Variants in MARCHF4 observed in about 807,000 individuals in gnomAD.
MARCHF4 encodes the protein E3 ubiquitin-protein ligase MARCHF4.
Under a neutral mutation model 43.9 loss-of-function variants are expected in MARCHF4, and 14 were observed. The observed-to-expected ratio is 0.32, with a 90% CI of 0.21 to 0.50. The LOEUF is 0.50. MARCHF4 is among the 20% of genes least tolerant of loss of function. The pLI, the probability that MARCHF4 is intolerant of heterozygous loss-of-function variation, is 0.98. For missense variants in MARCHF4, 468 were observed against 536.7 expected (o/e 0.87, Z 1.27); for synonymous variants, 226 against 213.3 (o/e 1.06, Z -0.52).
rs539072637 is a variant in MARCHF4 at position 216,275,906 on chromosome 2, C to T, written c.865+1766G>A. Among the ~76,000 whole-genome samples the T allele has an allele frequency of 3.9e-5, 6 of 152,288 alleles. No individual in the cohort carries two copies. The South Asian group carries it at 6.2e-4, about 16-fold the overall frequency. On this transcript the variant is annotated intron_variant, in intron 3 of 3. Transcript: ENST00000273067. Reference sequence around the variant, plus strand: ...TGCATTCATCTAGGAAAATAGCACACCCAGTAGTCCCTGCTCCGTTAGCCT... The same window carrying T: ...TGCATTCATCTAGGAAAATAGCACATCCAGTAGTCCCTGCTCCGTTAGCCT...
At chr2:216,359,359 C>G (rs754404789) in intron 1 of MARCHF4, among the ~76,000 whole-genome samples, 4 of 152,134 alleles carry the variant, frequency 2.6e-5, no homozygotes, top group African/African-American at 4.8e-5. Context: ...TTTTCCTCTT[C>G]TTTTCTCTTT....
At chr2:216,288,473 A>G (rs1356281864) in intron 1 of MARCHF4, among the ~76,000 whole-genome samples, 1 of 152,184 alleles carries the variant, frequency 6.6e-6, no homozygotes, top group East Asian at 1.9e-4. Flanking sequence ...GAAAAGAGTC[A>G]GTTGAGTCAC....
intron 1 of MARCHF4, among the ~76,000 whole-genome samples, chr2:216,341,525 G>A (rs897756349): frequency 1.3e-5 from 2 of 152,184 alleles, no homozygotes; most frequent in African/African-American, 4.8e-5. Context: ...GGGAGGGCAA[G>A]GCCAAGGAGA....
At chr2:216,337,434 C>T (rs1692175756) in intron 1 of MARCHF4, among the ~76,000 whole-genome samples, 1 of 151,980 alleles carries the variant, frequency 6.6e-6, no homozygotes, top group South Asian at 2.1e-4. Flanking sequence ...CAAAAAAATG[C>T]CATATGCATG....
intron 1 of MARCHF4, among the ~76,000 whole-genome samples, chr2:216,329,019 C>T (rs1401711007): frequency 2.0e-5 from 3 of 151,918 alleles, no homozygotes; most frequent in Admixed American, 6.6e-5. Context: ...AACGAAATTC[C>T]GTCTCAGAAA....
chr2:216,263,576 G>GAGAA (rs1162594075), intron 3 of MARCHF4, among the ~76,000 whole-genome samples: 2 of 151,498 alleles, frequency 1.3e-5, no homozygotes, highest in African/African-American at 4.9e-5. Flanking sequence ...AAGAAAGAAA[G>GAGAA]AGAAAGAAAG....
chr2:216,322,863 G>A (rs1194666420), intron 1 of MARCHF4, among the ~76,000 whole-genome samples: 1 of 152,200 alleles, frequency 6.6e-6, no homozygotes, highest in East Asian at 1.9e-4. Context: ...AGGTGACCCA[G>A]CTGGGTGGGT....
intron 3 of MARCHF4, among the ~76,000 whole-genome samples, chr2:216,265,296 A>G (rs528740300): frequency 2.0e-5 from 3 of 152,212 alleles, no homozygotes; most frequent in South Asian, 2.1e-4. Context: ...AATGTACCCA[A>G]CCCTGGGCTG....
chr2:216,262,235 G>C (rs1268071327), intron 3 of MARCHF4, among the ~76,000 whole-genome samples: 1 of 152,188 alleles, frequency 6.6e-6, no homozygotes, highest in Admixed American at 6.5e-5. Flanking sequence ...AGCTCACTGT[G>C]TTAAGTATCC....
intron 1 of MARCHF4, among the ~76,000 whole-genome samples, chr2:216,291,424 A>G (rs1225119100): frequency 1.3e-5 from 2 of 152,198 alleles, no homozygotes; most frequent in African/African-American, 4.8e-5. Flanking sequence ...ACTGGTATAA[A>G]ATAGTCATCC....
In MARCHF4 at chr2:216,287,957, T is replaced by C. The variant is rs1433574360; in HGVS notation, c.517-4228A>G. On this transcript the variant is annotated intron_variant, in intron 1 of 3. Coordinates refer to ENST00000273067, the MANE Select transcript of MARCHF4 (RefSeq NM_020814.3). ...ACTCTTACCTCCTCAAGGGTAATTG[T>C]AAGGATTTTTTTTTTCCTTTGAGAC... Among the ~76,000 whole-genome samples, 3 of 152,180 alleles carry C rather than the reference T, an allele frequency of 2.0e-5. No homozygotes were observed. In the East Asian group the frequency reaches 5.8e-4, roughly 29 times the overall value.
At chr2:216,304,828 T>C (rs6756810) in intron 1 of MARCHF4, among the ~76,000 whole-genome samples, 10,435 of 152,034 alleles carry the variant, frequency 0.069, 1,181 homozygotes, top group African/African-American at 0.24. Flanking sequence ...GTGGCATGTG[T>C]TTGTAGTCCC....
chr2:216,350,287 T>C (rs1382753993), intron 1 of MARCHF4, among the ~76,000 whole-genome samples: 1 of 76,444 alleles, frequency 1.3e-5, no homozygotes, highest in Non-Finnish European at 2.5e-5. Context: ...CCCCTCACTG[T>C]GCTACACCCC....
Position 216,330,976 on chromosome 2 carries a change from A to G in MARCHF4, c.516+38769T>C, listed in dbSNP as rs974011175. 2.6e-5 allele frequency among the ~76,000 whole-genome samples: 4 copies of G among 152,234 alleles called. No individual in the cohort carries two copies. In the South Asian group the frequency reaches 8.3e-4, roughly 32 times the overall value. On this transcript the variant is annotated intron_variant, in intron 1 of 3. Coordinates refer to ENST00000273067, the MANE Select transcript of MARCHF4 (RefSeq NM_020814.3). ...GAGAAGAAGGAAGGGAATCATAAAA[A>G]TAAGATCAGAAATTAATGAATTAGA...
chr2:216,369,399 AG>A (rs1398878166), intron 1 of MARCHF4, among the ~76,000 whole-genome samples: 1 of 152,250 alleles, frequency 6.6e-6, no homozygotes, highest in African/African-American at 2.4e-5. Flanking sequence ...GTTAGATAAA[AG>A]GATATCTTGG....
At position 216,276,235 on chromosome 2, in the gene MARCHF4, T is replaced by A. The variant is rs565007823; in HGVS notation, c.865+1437A>T. On this transcript the variant is annotated intron_variant, in intron 3 of 3. Transcript: ENST00000273067. ...GCCCCTCCACTGTTTCCCCCTTCCA[T>A]GCCAGAGCTGCTGTAAACCTCCATA... Among the ~76,000 whole-genome samples, 256 of 152,324 alleles carry A rather than the reference T, an allele frequency of 1.7e-3. 1 individual carries two copies. Among genetic ancestry groups the A allele is most frequent in the African/African-American group, 5.6e-3 (233 of 41,576 alleles).
chr2:216,287,528 C>G (rs1691234777), intron 1 of MARCHF4, among the ~76,000 whole-genome samples: 1 of 151,194 alleles, frequency 6.6e-6, no homozygotes, highest in Non-Finnish European at 1.5e-5. Context: ...ATCATCTGGC[C>G]CCCAAGGGAC....
intron 1 of MARCHF4, chr2:216,318,119 C>G (rs1411398948): frequency 6.6e-6 from 1 of 152,188 alleles, no homozygotes; most frequent in Non-Finnish European, 1.5e-5. Flanking sequence ...ACAGAGTTGC[C>G]TTCATGTCTT....
At chr2:216,352,283 C>T (rs1475434624) in intron 1 of MARCHF4, among the ~76,000 whole-genome samples, 1 of 152,208 alleles carries the variant, frequency 6.6e-6, no homozygotes, top group Non-Finnish European at 1.5e-5. Context: ...CTAAGTAAGG[C>T]AGCCTCCTGG....
Sources: allele counts gnomAD v4.1 joint callset (sites outside exome capture counted in the v4.1 genomes callset), GRCh38; gene constraint gnomAD v4.1.1; transcripts MANE v1.5; gene names NCBI Gene and HGNC (gene_info 2026-07-23, HGNC 2026-07-21).